Variants in SELENOF observed in about 807,000 individuals in gnomAD.
SELENOF encodes the protein 15 kDa selenoprotein.
A neutral mutation model predicts 20.5 loss-of-function variants in SELENOF; 16 were observed. That is an observed-to-expected ratio of 0.78 (90% CI 0.53 to 1.19). SELENOF has a LOEUF of 1.19. Ranked by LOEUF, SELENOF falls within the 50% of genes most tolerant of loss-of-function variation. SELENOF has a pLI of 0.00. For missense variants in SELENOF, 215 were observed against 194.2 expected (o/e 1.11, Z -0.64); for synonymous variants, 78 against 74.5 (o/e 1.05, Z -0.24).
At chr1:86,893,423 T>A (rs947969921) in intron 2 of SELENOF, among the ~76,000 whole-genome samples, 1 of 139,720 alleles carries the variant, frequency 7.2e-6, no homozygotes, top group African/African-American at 2.7e-5. Context: ...CTGGCCAACA[T>A]GGTGAAACCC....
intron 2 of SELENOF, among the ~76,000 whole-genome samples, chr1:86,895,340 C>T (rs1008867940): frequency 5.3e-5 from 8 of 152,162 alleles, no homozygotes; most frequent in African/African-American, 1.9e-4. Flanking sequence ...TTCTTTCTGG[C>T]TTTTATCATC....
intron 3 of SELENOF, among the ~76,000 whole-genome samples, chr1:86,876,712 T>C (rs373511063): frequency 1.3e-5 from 2 of 152,260 alleles, no homozygotes; most frequent in East Asian, 3.9e-4. Flanking sequence ...CTCAAGATAA[T>C]AGACCCTGAC....
intron 4 of SELENOF, among the ~76,000 whole-genome samples, chr1:86,864,646 T>G (rs1022793491): frequency 1.3e-5 from 2 of 152,054 alleles, no homozygotes; most frequent in Admixed American, 1.3e-4. Flanking sequence ...GTTACTTTTT[T>G]TTTTTTTTTG....
chr1:86,911,457 G>A (rs538591997), intron 1 of SELENOF, among the ~76,000 whole-genome samples: 1 of 152,330 alleles, frequency 6.6e-6, no homozygotes, highest in African/African-American at 2.4e-5. Context: ...TGGGGAATAA[G>A]CCTGGATAGA....
chr1:86,887,332 A>G, intron 2 of SELENOF: 1 of 1,040,520 alleles, frequency 9.6e-7, no homozygotes, highest in Non-Finnish European at 1.3e-6. Context: ...GAAAAAATAC[A>G]AAGCAATGAG....
chr1:86,867,883 TAA>T lies in SELENOF; in HGVS notation c.366+168_366+169del, dbSNP rs1658652086. 4.6e-5 allele frequency among the ~76,000 whole-genome samples: 7 copies of T among 152,012 alleles called. No individual in the cohort carries two copies. The South Asian group carries it at 1.5e-3, about 32-fold the overall frequency. On this transcript the variant is annotated intron_variant, in intron 4 of 4. Coordinates refer to ENST00000331835, the MANE Select transcript of SELENOF (RefSeq NM_004261.5). ...TAAACCTAAAAGTGCTCTAAAAAAATAAAGTCTATTAATTTAAAAAAATTATT... is the reference window on the plus strand; with the variant it reads ...TAAACCTAAAAGTGCTCTAAAAAAATAGTCTATTAATTTAAAAAAATTATT...
chr1:86,870,606 A>T (rs1233327183), intron 3 of SELENOF, among the ~76,000 whole-genome samples: 1 of 150,152 alleles, frequency 6.7e-6, no homozygotes, highest in Non-Finnish European at 1.5e-5. Flanking sequence ...CTTAATAAAT[A>T]GTTCACTTAT....
chr1:86,888,914 T>C (rs1430656567), intron 2 of SELENOF, among the ~76,000 whole-genome samples: 1 of 152,238 alleles, frequency 6.6e-6, no homozygotes, highest in Non-Finnish European at 1.5e-5. Flanking sequence ...CCCAAAGTGC[T>C]AGGATTACAG....
chr1:86,880,034 C>A (rs1482424211), intron 3 of SELENOF, among the ~76,000 whole-genome samples: 8 of 135,708 alleles, frequency 5.9e-5, no homozygotes, highest in African/African-American at 2.7e-4. Context: ...AAAGAAATTA[C>A]ACTTACATCT....
intron 1 of SELENOF, 162 bp downstream of exon 1, chr1:86,913,866 G>C: frequency 4.6e-6 from 3 of 651,378 alleles, no homozygotes; most frequent in Non-Finnish European, 8.2e-6. Context: ...GGAAGGAGAA[G>C]GATCAACCGA....
intron 2 of SELENOF, among the ~76,000 whole-genome samples, chr1:86,895,687 G>A (rs1415194313): frequency 2.0e-5 from 3 of 152,128 alleles, no homozygotes; most frequent in Non-Finnish European, 4.4e-5. Context: ...AAATTAGGCT[G>A]AAATAATTTG....
At chr1:86,901,096 T>C (rs936367091) in intron 2 of SELENOF, among the ~76,000 whole-genome samples, 8 of 152,208 alleles carry the variant, frequency 5.3e-5, no homozygotes, top group Non-Finnish European at 1.0e-4. Context: ...TTTCACCACG[T>C]TGCCCAGACT....
rs954418251 is a variant in SELENOF at position 86,862,660 on chromosome 1, T to C, written c.*814A>G. 1.3e-5 allele frequency: 2 copies of C among 152,112 alleles called. No individual in the cohort carries two copies. Among genetic ancestry groups the C allele is most frequent in the African/African-American group, 4.8e-5 (2 of 41,438 alleles). 9.4% of individuals were successfully genotyped at this position (152,112 alleles called of 1,614,324 possible). A position where few individuals can be genotyped will look rare whatever the true frequency, so the allele number is the denominator to read the frequency against. ...AAAAAAAGGGCTTACATGAAAAAAA[T>C]GCATTGAAAAACATCATTTTTAAAC... On this transcript the variant is annotated 3_prime_UTR_variant, in exon 5 of 5. Transcript: ENST00000331835.
intron 4 of SELENOF, 33 bp downstream of exon 4, chr1:86,868,020 G>A (rs1186769555): frequency 3.7e-6 from 4 of 1,077,878 alleles, no homozygotes; most frequent in Non-Finnish European, 5.1e-6. Flanking sequence ...AATTAAGGCT[G>A]GAAAAAAGAG....
intron 3 of SELENOF, among the ~76,000 whole-genome samples, chr1:86,870,823 G>A (rs1273356799): frequency 1.3e-5 from 2 of 152,068 alleles, no homozygotes; most frequent in Non-Finnish European, 2.9e-5. Context: ...GTTTCACCGC[G>A]TTAGCCAGGA....
intron 3 of SELENOF, among the ~76,000 whole-genome samples, chr1:86,879,823 C>G (rs1329329379): frequency 6.6e-6 from 1 of 152,180 alleles, no homozygotes; most frequent in Non-Finnish European, 1.5e-5. Context: ...AAGAATATAC[C>G]TTCACAATTA....
At chr1:86,907,266 A>C (rs1194575548) in intron 1 of SELENOF, among the ~76,000 whole-genome samples, 1 of 152,216 alleles carries the variant, frequency 6.6e-6, no homozygotes, top group East Asian at 1.9e-4. Flanking sequence ...TATTAGGCTC[A>C]CCTTCCACTG....
intron 1 of SELENOF, 44 bp downstream of exon 1, chr1:86,913,984 C>T (rs1415340944): frequency 2.6e-6 from 4 of 1,552,472 alleles, no homozygotes; most frequent in Non-Finnish European, 3.6e-6. Flanking sequence ...GCTGCAATCA[C>T]TCCTACTCTC....
chr1:86,882,900 C>A (rs901982718), intron 2 of SELENOF, among the ~76,000 whole-genome samples: 1 of 151,996 alleles, frequency 6.6e-6, no homozygotes, highest in South Asian at 2.1e-4. Flanking sequence ...CCGAGGTGGG[C>A]GGATCATCTG....
Sources: allele counts gnomAD v4.1 joint callset (sites outside exome capture counted in the v4.1 genomes callset), GRCh38; gene constraint gnomAD v4.1.1; transcripts MANE v1.5; gene names NCBI Gene and HGNC (gene_info 2026-07-23, HGNC 2026-07-21).